The following HRNR variants were observed in gnomAD, a reference collection of about 807,000 sequenced individuals.
HRNR encodes filaggrin family member 3.
Under a neutral mutation model 4.8 loss-of-function variants are expected in HRNR, and 7 were observed. The observed-to-expected ratio is 1.47, with a 90% CI of 0.83 to 2.75. The LOEUF (loss-of-function observed/expected upper bound fraction) is 2.75, where lower values mean the gene tolerates loss of function less well. Ranked by LOEUF, HRNR falls within the 30% of genes most tolerant of loss-of-function variation. The pLI is 0.00. For synonymous variants in HRNR, 1,023 were observed against 1,242.7 expected, an observed-to-expected ratio of 0.82 and a Z score of 3.72; for missense variants, 2,879 against 3,010.4, an observed-to-expected ratio of 0.96 and a Z score of 1.02.
chr1:152,213,502 C>A lies in HRNR; in HGVS notation c.8127G>T (p.Gln2709His). 2 of 1,377,332 alleles carry A rather than the reference C, an allele frequency of 1.5e-6. 1 individual carries two copies. Among genetic ancestry groups the A allele is most frequent in the Non-Finnish European group, 2.0e-6 (2 of 991,834 alleles). 85.3% of individuals were successfully genotyped at this position (1,377,332 alleles called of 1,614,324 possible). ...AGAAGTGCCCTGAGCCACTACCATGCTGACTGTAAGCAGAGGAATGTCCTG... is the reference window on the plus strand; with the variant it reads ...AGAAGTGCCCTGAGCCACTACCATGATGACTGTAAGCAGAGGAATGTCCTG... ...SGSGHSSAYS[Q>H]HGSGSGHFCS... Residue 2709 changes from glutamine (Q) to histidine (H), a missense_variant, in exon 3 of 3, where the codon CAG (glutamine) becomes CAT (histidine). This residue lies in a region of HRNR where 20 missense variants were observed against 61.1 expected (regional missense o/e 0.33). Transcript: ENST00000368801.
chr1:152,223,157 G>A lies in HRNR; in HGVS notation c.97C>T (p.Leu33=). The A allele has an allele frequency of 6.2e-7, 1 of 1,613,804 alleles. No homozygotes were observed. Among genetic ancestry groups the A allele is most frequent in the Non-Finnish European group, 8.5e-7 (1 of 1,179,814 alleles). ...AACTCATTTTCCAGAAGTTCTTTCA[G>A]CTCTGCCTTGTTCAACGTATCATAC... is the stretch of plus-strand genomic sequence containing the variant. ...GEYDTLNKAE[L]KELLENEFHQ... The change falls in exon 2 of 3, where the codon CTG becomes TTG. Residue 33 remains leucine, a synonymous_variant. Transcript: ENST00000368801.
Position 152,221,495 on chromosome 1 carries a change from A to G in HRNR, c.139-5T>C, listed in dbSNP as rs754455164. On this transcript the variant is annotated splice_polypyrimidine_tract_variant and splice_region_variant and intron_variant, in intron 2 of 2. Transcript: ENST00000368801. ...AGTATCTGGATCGTTTGGATTCTGT[A>G]TAAGAGAAAGGTACAAAGAGTAGCT... The G allele has an allele frequency of 5.7e-6, 9 of 1,583,012 alleles. No homozygotes were observed. The highest frequency in any genetic ancestry group is 7.7e-6 in the Non-Finnish European group (9 of 1,163,350).
chr1:152,219,876 C>G lies in HRNR; in HGVS notation c.1753G>C (p.Gly585Arg), dbSNP rs771991043. 5 of 1,613,956 alleles carry G rather than the reference C, an allele frequency of 3.1e-6. No homozygotes were observed. The highest frequency in any genetic ancestry group is 3.4e-6 in the Non-Finnish European group (4 of 1,180,008). ...ESGSGHSSGL[G>R]HQESRSGQSS... ...TGTCCTGAGCGAGACTCTTGGTGAC[C>G]TAAGCCAGAAGAGTGACCGGAGCCA... Residue 585 changes from glycine to arginine, a missense_variant, in exon 3 of 3, where the codon GGT becomes CGT. Gly to Arg is a moderately radical substitution (Grantham distance 125). Transcript: ENST00000368801.
rs546039550 is a variant in HRNR, at chr1:152,218,682, A to C, written c.2947T>G (p.Tyr983Asp). 37 of 1,613,152 alleles carry C rather than the reference A, an allele frequency of 2.3e-5. 2 individuals carry two copies. In the South Asian group the frequency reaches 4.0e-4, roughly 17 times the overall value. Residue 983 changes from tyrosine (Y) to aspartate (D), a missense_variant, in exon 3 of 3, where the codon TAT becomes GAT. This residue lies in a region of HRNR where 2,646 missense variants were observed against 1,377.7 expected (regional missense o/e 1.92). Transcript: ENST00000368801. ...HGSSSGSSSS[Y>D]GQHGSGSRQS... ...CGGGAGCCAGACCCATGCTGACCAT[A>C]GCTGGAAGACGAACCTGAGCTAGAT... is the stretch of plus-strand genomic sequence containing the variant.
rs1001963642 is a variant in HRNR at position 152,212,875 on chromosome 1, C to T, written c.*201G>A. ...CTCAGTATTTTCTAACAAAGTAGCA[C>T]AAATGCCTAACAGTCTTTGGAAGGA... On this transcript the variant is annotated 3_prime_UTR_variant, in exon 3 of 3. Coordinates refer to ENST00000368801, the MANE Select transcript of HRNR (RefSeq NM_001009931.3). 13 of 681,558 alleles carry T rather than the reference C, an allele frequency of 1.9e-5. No individual in the cohort carries two copies. The highest frequency in any genetic ancestry group is 1.8e-4 in the African/African-American group (10 of 55,190). The allele number at this position is 681,558 out of a possible 1,614,324, so 42.2% of individuals were successfully genotyped here. A position where few individuals can be genotyped will look rare whatever the true frequency, so the allele number is the denominator to read the frequency against.
At chr1:152,221,840 A>G (rs1183638029) in intron 2 of HRNR, among the ~76,000 whole-genome samples, 1 of 152,236 alleles carries the variant, frequency 6.6e-6, no homozygotes, top group Non-Finnish European at 1.5e-5. Flanking sequence ...ATCCAATTAA[A>G]TTAACTAGCT....
chr1:152,219,523 A>G lies in HRNR; in HGVS notation c.2106T>C (p.Gly702=), dbSNP rs773315243. 23 of 1,612,288 alleles carry G rather than the reference A, an allele frequency of 1.4e-5. No individual in the cohort carries two copies. The Admixed American group carries it at 3.8e-4, about 27-fold the overall frequency. The change falls in exon 3 of 3, where the codon GGT becomes GGC. Residue 702 remains glycine, a synonymous_variant. Coordinates refer to ENST00000368801, the MANE Select transcript of HRNR (RefSeq NM_001009931.3). The part of the protein sequence containing the change: ...GSVSGQSSGF[G]HKSGSGQSSG... ...AGGACTGCCCTGAGCCAGACTTGTG[A>G]CCAAAGCCGGAAGACTGGCCTGAGA...
At position 152,220,391 on chromosome 1, in the gene HRNR, C is replaced by T. The variant is rs140273713; in HGVS notation, c.1238G>A (p.Arg413His). Residue 413 changes from arginine to histidine, a missense_variant, in exon 3 of 3, where the codon CGC becomes CAC. Physicochemically the swap from Arg to His is conservative, Grantham distance 29. This residue lies in a region of HRNR where 2,646 missense variants were observed against 1,377.7 expected (regional missense o/e 1.92). Transcript: ENST00000368801. ...HESASRHSSG[R>H]GQHSSGSGQS... is the part of the protein sequence containing the mutation. ...GCCAGATCCAGAGCTGTGTTGGCCGCGGCCTGAAGAGTGACGGGAGGCAGA... is the reference window on the plus strand; with the variant it reads ...GCCAGATCCAGAGCTGTGTTGGCCGTGGCCTGAAGAGTGACGGGAGGCAGA... The T allele has an allele frequency of 1.7e-4, 274 of 1,613,384 alleles. No individual in the cohort carries two copies. The highest frequency in any genetic ancestry group is 2.8e-4 in the African/African-American group (21 of 74,760).
At position 152,218,544 on chromosome 1, in the gene HRNR, A is replaced by G; in HGVS notation, c.3085T>C (p.Ser1029Pro). The change falls in exon 3 of 3, where the codon TCT becomes CCT. Residue 1029 changes from serine to proline, a missense_variant. Physicochemically the swap from Ser to Pro is moderately conservative, Grantham distance 74 (BLOSUM62 -1). Transcript: ENST00000368801. ...CGGCTTGAAGACCACCCTGAGCCAGACCTATATGGGCCATAGCTGGAAGAC... is the reference window on the plus strand; with the variant it reads ...CGGCTTGAAGACCACCCTGAGCCAGGCCTATATGGGCCATAGCTGGAAGAC... ...GQSSSYGPYR[S>P]GSGWSSSRGP... 1.2e-6 allele frequency: 2 copies of G among 1,613,732 alleles called. No homozygotes were observed. Among genetic ancestry groups the G allele is most frequent in the Non-Finnish European group, 1.7e-6 (2 of 1,179,960 alleles).
chr1:152,223,156 A>G lies in HRNR; in HGVS notation c.98T>C (p.Leu33Pro), dbSNP rs1557847435. ...AAACTCATTTTCCAGAAGTTCTTTC[A>G]GCTCTGCCTTGTTCAACGTATCATA... ...GEYDTLNKAE[L>P]KELLENEFHQ... Residue 33 changes from leucine (L) to proline (P), a missense_variant, in exon 2 of 3, where the codon CTG becomes CCG. Transcript: ENST00000368801. The G allele has an allele frequency of 8.1e-6, 13 of 1,613,892 alleles. No homozygotes were observed. Among genetic ancestry groups the G allele is most frequent in the Non-Finnish European group, 1.1e-5 (13 of 1,179,844 alleles).
chr1:152,220,138 C>G lies in HRNR; in HGVS notation c.1491G>C (p.Arg497Ser). The G allele has an allele frequency of 1.9e-6, 3 of 1,613,234 alleles. No homozygotes were observed. The highest frequency in any genetic ancestry group is 2.5e-6 in the Non-Finnish European group (3 of 1,179,502). Residue 497 changes from arginine to serine, a missense_variant, in exon 3 of 3, where the codon AGG (arginine) becomes AGC (serine). This residue lies in a region of HRNR where 2,646 missense variants were observed against 1,377.7 expected (regional missense o/e 1.92). Coordinates refer to ENST00000368801, the MANE Select transcript of HRNR (RefSeq NM_001009931.3). Reference protein sequence around the residue: ...HSSGHGQHGSRSGQSSRGERQ... With the variant: ...HSSGHGQHGSSSGQSSRGERQ... ...GTTCACCCCTAGATGACTGTCCTGA[C>G]CTAGAGCCGTGTTGTCCGTGGCCGG...
In HRNR at chr1:152,219,474, C is replaced by T; in HGVS notation, c.2155G>A (p.Gly719Ser). 1.9e-6 allele frequency: 3 copies of T among 1,613,958 alleles called. No individual in the cohort carries two copies. The highest frequency in any genetic ancestry group is 1.1e-5 in the South Asian group (1 of 91,060). Residue 719 changes from glycine to serine, a missense_variant, in exon 3 of 3, where the codon GGC becomes AGC. This residue lies in a region of HRNR where 2,646 missense variants were observed against 1,377.7 expected (regional missense o/e 1.92). Coordinates refer to ENST00000368801, the MANE Select transcript of HRNR (RefSeq NM_001009931.3). ...QSSGYSQHGSGSSHSSGYRKH... is the reference protein window; with the variant it reads ...QSSGYSQHGSSSSHSSGYRKH... ...CTGTAGCCGGAGGAGTGACTTGAGC[C>T]AGATCCATGCTGACTGTAACCAGAG...
rs755201410 is a variant in HRNR, at chr1:152,213,116, T to A, written c.8513A>T (p.Tyr2838Phe). The A allele has an allele frequency of 1.9e-6, 3 of 1,613,892 alleles. No homozygotes were observed. The highest frequency in any genetic ancestry group is 2.5e-6 in the Non-Finnish European group (3 of 1,179,932). ...FLSFPSSTSP[Y>F]EYVQEQRCYF... ...GCACCTCTGCTCTTGGACATATTCA[T>A]AGGGTGAAGTGCTACTAGGAAAACT... is the stretch of plus-strand genomic sequence containing the variant. Residue 2838 changes from tyrosine to phenylalanine, a missense_variant, in exon 3 of 3, where the codon TAT becomes TTT. This residue lies in a region of HRNR where 158 missense variants were observed against 107.6 expected (regional missense o/e 1.47). Coordinates refer to ENST00000368801, the MANE Select transcript of HRNR (RefSeq NM_001009931.3).
intron 1 of HRNR, among the ~76,000 whole-genome samples, chr1:152,223,841 A>C (rs1649082655): frequency 6.6e-6 from 1 of 152,080 alleles, no homozygotes; most frequent in Non-Finnish European, 1.5e-5. Context: ...AGTGACCCTC[A>C]GACCTTATTA....
Position 152,213,206 on chromosome 1 carries a change from T to C in HRNR, c.8423A>G (p.Asp2808Gly), listed in dbSNP as rs777789613. ...TCCTCCTTTGCAATAAGAATACCCA[T>C]CTTGCCCTGAGCCACTTCCATGCTG... Reference protein sequence around the residue: ...YSQHGSGSGQDGYSYCKGGSN... With the variant: ...YSQHGSGSGQGGYSYCKGGSN... Residue 2808 changes from aspartate to glycine, a missense_variant, in exon 3 of 3, where the codon GAT (aspartate) becomes GGT (glycine). By Grantham distance (94) the Asp-to-Gly change is moderately conservative. Transcript: ENST00000368801. 68 of 1,614,054 alleles carry C rather than the reference T, an allele frequency of 4.2e-5. No individual in the cohort carries two copies. The highest frequency in any genetic ancestry group is 5.5e-5 in the Non-Finnish European group (65 of 1,180,052).
rs755497165 is a variant in HRNR at position 152,220,981 on chromosome 1, G to T, written c.648C>A (p.Ser216=). The change falls in exon 3 of 3, where the codon TCC becomes TCA. Residue 216 remains serine, a synonymous_variant. Coordinates refer to ENST00000368801, the MANE Select transcript of HRNR (RefSeq NM_001009931.3). ...AGCCAGACCCATGTGTGTCATTGCT[G>T]GAAGACTGTCCGGAGCCAGAGCCGT... ...GQHGSGSGQS[S]SNDTHGSGSG... 5.6e-6 allele frequency: 9 copies of T among 1,614,032 alleles called. No homozygotes were observed. The highest frequency in any genetic ancestry group is 7.6e-6 in the Non-Finnish European group (9 of 1,180,034).
In HRNR at chr1:152,218,715, G is replaced by C; in HGVS notation, c.2914C>G (p.Gln972Glu). Residue 972 changes from glutamine (Q) to glutamate (E), a missense_variant, in exon 3 of 3, where the codon CAA becomes GAA. Physicochemically the swap from Gln to Glu is conservative, Grantham distance 29. Coordinates refer to ENST00000368801, the MANE Select transcript of HRNR (RefSeq NM_001009931.3). ...SRSGQSSRSE[Q>E]HGSSSGSSSS... ...GACGAACCTGAGCTAGATCCATGTT[G>C]TTCGCTCCTAGATGACTGTCCTGAC... The C allele has an allele frequency of 6.2e-7, 1 of 1,613,986 alleles. No homozygotes were observed. Among genetic ancestry groups the C allele is most frequent in the Non-Finnish European group, 8.5e-7 (1 of 1,180,006 alleles).
chr1:152,213,017 T>C lies in HRNR; in HGVS notation c.*59A>G. 1 of 1,557,232 alleles carries C rather than the reference T, an allele frequency of 6.4e-7. No homozygotes were observed. The highest frequency in any genetic ancestry group is 1.3e-5 in the South Asian group (1 of 79,982). On this transcript the variant is annotated 3_prime_UTR_variant, in exon 3 of 3. Transcript: ENST00000368801. ...TTGCTTGTCTTTCATGATGAATTCATAGATGACTTTCCTATTTCTTAAATT... is the reference window on the plus strand; with the variant it reads ...TTGCTTGTCTTTCATGATGAATTCACAGATGACTTTCCTATTTCTTAAATT...
In HRNR at chr1:152,220,702, G is replaced by C; in HGVS notation, c.927C>G (p.His309Gln). Residue 309 changes from histidine (H) to glutamine (Q), a missense_variant, in exon 3 of 3, where the codon CAC becomes CAG. This residue lies in a region of HRNR where 2,646 missense variants were observed against 1,377.7 expected (regional missense o/e 1.92). Coordinates refer to ENST00000368801, the MANE Select transcript of HRNR (RefSeq NM_001009931.3). ...GCCCCGAACCGGACCCATGTCGGAC[G>C]TGGCTAGGAGACTGGCGAGATCCAG... ...QGSGSRQSPS[H>Q]VRHGSGSGHS... 6.2e-7 allele frequency: 1 copy of C among 1,613,108 alleles called. No homozygotes were observed. Among genetic ancestry groups the C allele is most frequent in the Non-Finnish European group, 8.5e-7 (1 of 1,179,456 alleles).
Sources: allele counts gnomAD v4.1 joint callset (sites outside exome capture counted in the v4.1 genomes callset), GRCh38; gene constraint gnomAD v4.1.1; regional missense constraint gnomAD v4.1.1; transcripts MANE v1.5; gene names NCBI Gene and HGNC (gene_info 2026-07-23, HGNC 2026-07-21).